The following MCPH1 variants were observed in gnomAD, a reference collection of about 807,000 sequenced individuals.
MCPH1 encodes the protein microcephalin 1.
In MCPH1, 104 loss-of-function variants were observed where a neutral mutation model predicts 84.5. That is an observed-to-expected ratio of 1.23 (90% CI 1.05 to 1.45). MCPH1 has a LOEUF of 1.45. MCPH1 is among the 40% of genes most tolerant of loss of function. The pLI, the probability that MCPH1 is intolerant of heterozygous loss-of-function variation, is 0.00. For synonymous variants in MCPH1, 514 were observed against 366.8 expected (o/e 1.40, Z -4.58); for missense variants, 1,498 against 1,005.7 (o/e 1.49, Z -6.62).
At chr8:6,481,159 G>C (rs930017405) in intron 11 of MCPH1, among the ~76,000 whole-genome samples, 10 of 152,208 alleles carry the variant, frequency 6.6e-5, no homozygotes, top group African/African-American at 9.6e-5. Context: ...GATGCTGAAA[G>C]AAACGCAAGA....
rs1011409917 is a variant in MCPH1 at position 6,588,351 on chromosome 8, T to C, written c.2215-33103T>C. ...TACATTCACTTAAAACTTTTTTTTT[T>C]TTTTAAGTGTAAAATGGGACTGCAA... On this transcript the variant is annotated intron_variant, in intron 12 of 13. Transcript: ENST00000344683. Among the ~76,000 whole-genome samples the C allele has an allele frequency of 3.3e-5, 5 of 152,312 alleles. No homozygotes were observed. The East Asian group carries it at 9.6e-4, about 29-fold the overall frequency.
chr8:6,530,280 G>A (rs896651772), intron 12 of MCPH1, among the ~76,000 whole-genome samples: 6 of 152,112 alleles, frequency 3.9e-5, no homozygotes, highest in Admixed American at 6.6e-5. Flanking sequence ...GGCCAAGGCA[G>A]GTGGATCACC....
chr8:6,433,630 C>CAAA lies in MCPH1; in HGVS notation c.321+2067_321+2069dup, dbSNP rs60661127. 9.2e-3 allele frequency among the ~76,000 whole-genome samples: 376 copies of CAAA among 40,692 alleles called. 17 individuals are homozygous for CAAA. In the East Asian group the frequency reaches 0.095, roughly 10 times the overall value. 26.7% of individuals were successfully genotyped at this position (40,692 alleles called of 152,430 possible). ...CCTGGGCGACAGCAAGGCTCTGTCTCAAAAAAAAAAAAAAAAAAAAAAAAA... is the reference window on the plus strand; with the variant it reads ...CCTGGGCGACAGCAAGGCTCTGTCTCAAAAAAAAAAAAAAAAAAAAAAAAAAAA... On this transcript the variant is annotated intron_variant, in intron 4 of 13. Coordinates refer to ENST00000344683, the MANE Select transcript of MCPH1 (RefSeq NM_024596.5).
intron 13 of MCPH1, among the ~76,000 whole-genome samples, chr8:6,633,552 T>C (rs1023497083): frequency 6.6e-6 from 1 of 152,152 alleles, no homozygotes; most frequent in African/African-American, 2.4e-5. Flanking sequence ...CCTGACCTCA[T>C]GTGACAGGGC....
intron 12 of MCPH1, chr8:6,527,408 C>T: frequency 1.1e-6 from 1 of 935,718 alleles, no homozygotes; most frequent in South Asian, 1.9e-5. Context: ...TCTCCAAGCC[C>T]TCTCCCTTCT....
In MCPH1 at chr8:6,445,222, T is replaced by C; in HGVS notation, c.1500T>C (p.Thr500=). The C allele has an allele frequency of 6.2e-7, 1 of 1,614,278 alleles. No homozygotes were observed. The highest frequency in any genetic ancestry group is 8.5e-7 in the Non-Finnish European group (1 of 1,180,056). ...GCCGTGCAACTTCGAGTTGCGTGACTTCTGCCCCTGAAGAAGCCCTAAGGT... is the reference window on the plus strand; with the variant it reads ...GCCGTGCAACTTCGAGTTGCGTGACCTCTGCCCCTGAAGAAGCCCTAAGGT... ...GEGRATSSCV[T]SAPEEALRCC... Residue 500 remains threonine (T), a synonymous_variant, in exon 8 of 14, where the codon ACT becomes ACC. Transcript: ENST00000344683.
intron 12 of MCPH1, among the ~76,000 whole-genome samples, chr8:6,549,353 T>G (rs1347706428): frequency 6.6e-6 from 1 of 152,238 alleles, no homozygotes; most frequent in Non-Finnish European, 1.5e-5. Flanking sequence ...AAAAGGAGTA[T>G]GTACTGATTG....
chr8:6,541,483 A>G (rs1821562879), intron 12 of MCPH1, among the ~76,000 whole-genome samples: 1 of 152,206 alleles, frequency 6.6e-6, no homozygotes, highest in Non-Finnish European at 1.5e-5. Flanking sequence ...GCCTGGAGAC[A>G]GGAAACCAAA....
intron 13 of MCPH1, among the ~76,000 whole-genome samples, chr8:6,621,936 C>G (rs1309433279): frequency 6.6e-6 from 1 of 152,184 alleles, no homozygotes; most frequent in African/African-American, 2.4e-5. Context: ...CTTGACTTCC[C>G]TGGCTCGTGT....
At chr8:6,506,227 C>G (rs1233130650) in intron 12 of MCPH1, among the ~76,000 whole-genome samples, 1 of 151,702 alleles carries the variant, frequency 6.6e-6, no homozygotes, top group South Asian at 2.1e-4. Context: ...TAGGTCAGTG[C>G]CTTCTGGAGC....
At chr8:6,408,575 C>A (rs1385661852) in intron 1 of MCPH1, among the ~76,000 whole-genome samples, 1 of 150,520 alleles carries the variant, frequency 6.6e-6, no homozygotes, top group Non-Finnish European at 1.5e-5. Context: ...TCTTTCTCTG[C>A]TGCCCAGGCT....
intron 12 of MCPH1, among the ~76,000 whole-genome samples, chr8:6,549,842 A>G (rs543571485): frequency 6.6e-6 from 1 of 152,242 alleles, no homozygotes; most frequent in Non-Finnish European, 1.5e-5. Flanking sequence ...TGTACACTCA[A>G]GATTTGTGAA....
At chr8:6,630,236 T>C (rs1330941014) in intron 13 of MCPH1, among the ~76,000 whole-genome samples, 3 of 152,104 alleles carry the variant, frequency 2.0e-5, no homozygotes, top group Non-Finnish European at 4.4e-5. Context: ...TTATAAATAT[T>C]AAAAATCCTG....
intron 12 of MCPH1, among the ~76,000 whole-genome samples, chr8:6,563,841 C>G (rs1265933176): frequency 6.6e-6 from 1 of 152,144 alleles, no homozygotes; most frequent in Non-Finnish European, 1.5e-5. Flanking sequence ...ACATCAGTTT[C>G]TGAGCTCTGA....
chr8:6,433,492 A>G (rs939115189), intron 4 of MCPH1, among the ~76,000 whole-genome samples: 3 of 151,804 alleles, frequency 2.0e-5, no homozygotes, highest in Admixed American at 6.6e-5. Flanking sequence ...AATTAGCCCA[A>G]CCTGGTGGTG....
intron 12 of MCPH1, among the ~76,000 whole-genome samples, chr8:6,550,868 G>T (rs1165090513): frequency 1.3e-5 from 2 of 152,174 alleles, no homozygotes; most frequent in African/African-American, 2.4e-5. Flanking sequence ...CCACCACAGT[G>T]ATGGTCAGCA....
chr8:6,437,252 G>A (rs1410115650), intron 5 of MCPH1, among the ~76,000 whole-genome samples: 1 of 151,682 alleles, frequency 6.6e-6, no homozygotes, highest in African/African-American at 2.4e-5. Context: ...ATTTTTTTGA[G>A]ATGGAGTCTT....
At position 6,439,005 on chromosome 8, in the gene MCPH1, T is replaced by C. The variant is rs191104356; in HGVS notation, c.489T>C (p.Thr163=). The change falls in exon 6 of 14, where the codon ACT becomes ACC. Residue 163 remains threonine (T), a synonymous_variant. Transcript: ENST00000344683. ...LFESNGSLIY[T]PTIEINSRHH... ...AATCTAATGGTTCATTAATATATAC[T>C]CCCACAATTGAAATTAATAGTAGGC... is the stretch of plus-strand genomic sequence containing the variant. 501 of 1,609,860 alleles carry C rather than the reference T, an allele frequency of 3.1e-4. No homozygotes were observed. In the East Asian group the frequency reaches 5.8e-3, roughly 19 times the overall value.
intron 3 of MCPH1, among the ~76,000 whole-genome samples, chr8:6,419,590 G>C (rs1799868095): frequency 6.7e-6 from 1 of 149,364 alleles, no homozygotes. Flanking sequence ...TTTTAGTAGA[G>C]ATGGGATTTT....
Sources: gnomAD v4.1 joint callset for allele counts (sites outside exome capture counted in the v4.1 genomes callset) on GRCh38, gnomAD v4.1.1 for gene constraint, MANE v1.5 for transcripts, NCBI Gene and HGNC (gene_info 2026-07-23, HGNC 2026-07-21) for gene names.